Variants in AGBL4 observed in about 807,000 individuals in gnomAD.
AGBL4 encodes cytosolic carboxypeptidase 6.
Under a neutral mutation model 66.4 loss-of-function variants are expected in AGBL4, and 58 were observed. That is an observed-to-expected ratio of 0.87 (90% CI 0.71 to 1.09). The LOEUF is 1.09. Ranked by LOEUF, AGBL4 falls within the 50% of genes least tolerant of loss-of-function variation. The pLI, the probability that AGBL4 is intolerant of heterozygous loss-of-function variation, is 0.00. For synonymous variants in AGBL4, 234 were observed against 222.9 expected, an observed-to-expected ratio of 1.05 and a Z score of -0.44; for missense variants, 579 against 631.0, an observed-to-expected ratio of 0.92 and a Z score of 0.88.
chr1:49,482,587 C>A (rs984156410), intron 3 of AGBL4, among the ~76,000 whole-genome samples: 2 of 150,856 alleles, frequency 1.3e-5, no homozygotes, highest in Non-Finnish European at 3.0e-5. Flanking sequence ...TTTCTGGATT[C>A]TTTGATGTTT....
chr1:49,465,801 C>G (rs1225094178), intron 3 of AGBL4, among the ~76,000 whole-genome samples: 1 of 151,814 alleles, frequency 6.6e-6, no homozygotes, highest in Non-Finnish European at 1.5e-5. Flanking sequence ...AATCAAGGCT[C>G]TGACATCTGT....
intron 6 of AGBL4, among the ~76,000 whole-genome samples, chr1:48,678,570 T>C (rs1646405247): frequency 6.6e-6 from 1 of 152,190 alleles, no homozygotes; most frequent in African/African-American, 2.4e-5. Context: ...TGCCCTCTTT[T>C]GGCACATAGT....
At chr1:48,961,037 C>T (rs748182579) in intron 5 of AGBL4, among the ~76,000 whole-genome samples, 1 of 152,026 alleles carries the variant, frequency 6.6e-6, no homozygotes, top group Non-Finnish European at 1.5e-5. Flanking sequence ...AGAGACAGTA[C>T]CACATACCAC....
At chr1:49,774,229 G>C (rs1644139257) in intron 2 of AGBL4, among the ~76,000 whole-genome samples, 1 of 152,172 alleles carries the variant, frequency 6.6e-6, no homozygotes, top group African/African-American at 2.4e-5. Context: ...GCTGGCGTCT[G>C]CAACAGTGAT....
At chr1:48,551,366 G>A (rs1051533212) in intron 11 of AGBL4, among the ~76,000 whole-genome samples, 31 of 152,248 alleles carry the variant, frequency 2.0e-4, no homozygotes, top group Admixed American at 1.8e-3. Flanking sequence ...CAGGATTATT[G>A]CATTGATTAG....
chr1:49,143,254 C>T (rs778650699), intron 4 of AGBL4, among the ~76,000 whole-genome samples: 20 of 152,194 alleles, frequency 1.3e-4, no homozygotes, highest in Non-Finnish European at 2.6e-4. Flanking sequence ...GTTCTGGGCA[C>T]ATACTGCTGC....
At chr1:48,780,542 A>G (rs1645268335) in intron 6 of AGBL4, among the ~76,000 whole-genome samples, 1 of 152,228 alleles carries the variant, frequency 6.6e-6, no homozygotes, top group African/African-American at 2.4e-5. Flanking sequence ...AGAAGGCTAC[A>G]GTAGCCAAAA....
intron 4 of AGBL4, among the ~76,000 whole-genome samples, chr1:49,188,973 A>G (rs1339677595): frequency 1.3e-5 from 2 of 152,148 alleles, no homozygotes; most frequent in African/African-American, 4.8e-5. Context: ...TGCTTTCTAG[A>G]GCACTATGTT....
chr1:49,075,880 A>G (rs892435837), intron 4 of AGBL4, among the ~76,000 whole-genome samples: 2 of 152,234 alleles, frequency 1.3e-5, no homozygotes, highest in South Asian at 4.1e-4. Flanking sequence ...AATGGTCACA[A>G]AAGTGGAAAG....
intron 6 of AGBL4, among the ~76,000 whole-genome samples, chr1:48,806,927 CAT>C (rs937016245): frequency 5.6e-5 from 7 of 125,636 alleles, no homozygotes; most frequent in East Asian, 7.1e-4. Context: ...TGTATGTGTG[CAT>C]ATATGTGTGT....
intron 3 of AGBL4, among the ~76,000 whole-genome samples, chr1:49,548,127 G>C (rs955898755): frequency 2.6e-5 from 4 of 152,182 alleles, no homozygotes; most frequent in Non-Finnish European, 5.9e-5. Flanking sequence ...TGTAAAGAGA[G>C]ATACTGATTT....
At chr1:48,724,320 AG>A (rs1205968229) in intron 6 of AGBL4, among the ~76,000 whole-genome samples, 4 of 152,224 alleles carry the variant, frequency 2.6e-5, no homozygotes, top group Non-Finnish European at 5.9e-5. Flanking sequence ...GGTAAGTGCT[AG>A]AGTTGGGAAC....
At chr1:48,943,848 C>T (rs937032846) in intron 5 of AGBL4, among the ~76,000 whole-genome samples, 6 of 151,872 alleles carry the variant, frequency 4.0e-5, no homozygotes, top group South Asian at 2.1e-4. Flanking sequence ...TACACGTGTG[C>T]GTGGTGTGGT....
At chr1:49,604,917 A>G (rs1038918785) in intron 3 of AGBL4, among the ~76,000 whole-genome samples, 2 of 152,196 alleles carry the variant, frequency 1.3e-5, no homozygotes, top group African/African-American at 4.8e-5. Flanking sequence ...CTTTCAATGA[A>G]TAAGATTTTT....
At chr1:49,521,018 A>G (rs1266075188) in intron 3 of AGBL4, among the ~76,000 whole-genome samples, 3 of 152,012 alleles carry the variant, frequency 2.0e-5, no homozygotes, top group African/African-American at 7.2e-5. Flanking sequence ...CATGTTGGCC[A>G]GGCTGGTCTT....
At chr1:49,542,146 C>A (rs1049207037) in intron 3 of AGBL4, among the ~76,000 whole-genome samples, 1 of 152,182 alleles carries the variant, frequency 6.6e-6, no homozygotes, top group Admixed American at 6.5e-5. Context: ...CTCTGTAAAA[C>A]AGACCAATTA....
chr1:49,259,092 A>C (rs1420478378), intron 3 of AGBL4, among the ~76,000 whole-genome samples: 2 of 152,196 alleles, frequency 1.3e-5, no homozygotes, highest in African/African-American at 4.8e-5. Flanking sequence ...AATACCTTAC[A>C]GACAAGCAAA....
intron 4 of AGBL4, among the ~76,000 whole-genome samples, chr1:49,146,715 T>G (rs1336000661): frequency 6.6e-6 from 1 of 152,342 alleles, no homozygotes; most frequent in East Asian, 1.9e-4. Context: ...CACTGAGAAG[T>G]GCCCCAGACA....
intron 8 of AGBL4, among the ~76,000 whole-genome samples, chr1:48,652,094 T>C (rs1645939856): frequency 6.6e-6 from 1 of 152,052 alleles, no homozygotes; most frequent in Non-Finnish European, 1.5e-5. Flanking sequence ...CCTAGCTACT[T>C]GGGAGACTGA....
Sources: gnomAD v4.1 joint callset for allele counts (sites outside exome capture counted in the v4.1 genomes callset) on GRCh38, gnomAD v4.1.1 for gene constraint, MANE v1.5 for transcripts, NCBI Gene and HGNC (gene_info 2026-07-23, HGNC 2026-07-21) for gene names.